CCSER2: variants seen among roughly 807,000 people sequenced by gnomAD.
The protein encoded by CCSER2 is serine-rich coiled-coil domain-containing protein 2.
Under a neutral mutation model 92.3 loss-of-function variants are expected in CCSER2, and 46 were observed. The observed-to-expected ratio is 0.50, with a 90% CI of 0.39 to 0.64. CCSER2 has a LOEUF of 0.64. CCSER2 is among the 30% of genes least tolerant of loss of function. The probability of loss-of-function intolerance (pLI) is 0.00; values close to 1 mark genes in which losing one functional copy is unlikely to be tolerated. For missense variants in CCSER2, 1,244 were observed against 1,238.9 expected, an observed-to-expected ratio of 1.00 and a Z score of -0.06; for synonymous variants, 433 against 431.4, an observed-to-expected ratio of 1.00 and a Z score of -0.04.
intron 7 of CCSER2, among the ~76,000 whole-genome samples, chr10:84,465,952 G>A (rs535037519): frequency 2.0e-5 from 3 of 152,066 alleles, no homozygotes; most frequent in South Asian, 2.1e-4. Context: ...GGGTTTCACC[G>A]TGGTCTCAAT....
intron 1 of CCSER2, among the ~76,000 whole-genome samples, chr10:84,354,530 C>T (rs1845050990): frequency 6.6e-6 from 1 of 151,294 alleles, no homozygotes; most frequent in Non-Finnish European, 1.5e-5. Flanking sequence ...ATCATACGTT[C>T]TCTGTGCCAC....
intron 8 of CCSER2, among the ~76,000 whole-genome samples, chr10:84,472,591 T>A (rs1846881120): frequency 6.6e-6 from 1 of 151,856 alleles, no homozygotes; most frequent in Admixed American, 6.6e-5. Context: ...AATAGAAGAC[T>A]GGGGGAGACA....
chr10:84,354,234 A>G (rs1253020542), intron 1 of CCSER2, among the ~76,000 whole-genome samples: 1 of 145,688 alleles, frequency 6.9e-6, no homozygotes, highest in African/African-American at 2.5e-5. Flanking sequence ...GATTACGTCT[A>G]TGTTGTCTCA....
chr10:84,478,293 GCAGGATGTGTGTGAGC>G (rs1220629898), intron 9 of CCSER2, among the ~76,000 whole-genome samples: 1 of 152,144 alleles, frequency 6.6e-6, no homozygotes, highest in Non-Finnish European at 1.5e-5. Context: ...AGAACTTAGT[GCAGGATGTGTGTGAGC>G]CAGAGAATTA....
At chr10:84,513,165 GGAATTTT>G (rs1351426802) in intron 9 of CCSER2, among the ~76,000 whole-genome samples, 1 of 151,948 alleles carries the variant, frequency 6.6e-6, no homozygotes, top group Non-Finnish European at 1.5e-5. Context: ...TATTATGGCA[GGAATTTT>G]TTCTATAATA....
At chr10:84,433,349 G>GA (rs1843897730) in intron 5 of CCSER2, among the ~76,000 whole-genome samples, 1 of 152,056 alleles carries the variant, frequency 6.6e-6, no homozygotes, top group African/African-American at 2.4e-5. Flanking sequence ...TAATGGTGAT[G>GA]AAACACTAAT....
At chr10:84,337,224 G>C (rs534879495) in intron 1 of CCSER2, among the ~76,000 whole-genome samples, 1 of 152,306 alleles carries the variant, frequency 6.6e-6, no homozygotes, top group Admixed American at 6.5e-5. Flanking sequence ...AATGTGGCTG[G>C]AGAAGTCCCA....
At chr10:84,438,847 A>G in intron 6 of CCSER2, 140 bp downstream of exon 6, 1 of 550,688 alleles carries the variant, frequency 1.8e-6, no homozygotes, top group South Asian at 3.3e-5. Context: ...AATAGTATAT[A>G]GTAGAAAGTT....
intron 3 of CCSER2, among the ~76,000 whole-genome samples, chr10:84,378,039 A>C (rs1303382313): frequency 1.3e-5 from 2 of 152,202 alleles, no homozygotes; most frequent in Non-Finnish European, 2.9e-5. Flanking sequence ...TCACCACCCC[A>C]GCGCTTGCCC....
intron 6 of CCSER2, among the ~76,000 whole-genome samples, chr10:84,454,354 TA>T (rs1268787374): frequency 2.0e-5 from 3 of 152,168 alleles, no homozygotes; most frequent in Admixed American, 6.5e-5. Flanking sequence ...GATTACATCG[TA>T]AAGGCCTATT....
Position 84,516,042 on chromosome 10 carries a change from A to G in CCSER2, c.*1775A>G, listed in dbSNP as rs1474773506. ...TTGTTTTGAGCAGCTGACCAAAAAT[A>G]TATCAAACAGGATTATGGCCAAAAA... On this transcript the variant is annotated 3_prime_UTR_variant, in exon 10 of 10. Transcript: ENST00000372088. 6.6e-6 allele frequency: 1 copy of G among 152,250 alleles called. No homozygotes were observed. The highest frequency in any genetic ancestry group is 1.9e-4 in the East Asian group (1 of 5,194). The allele number at this position is 152,250 out of a possible 1,614,324, so 9.4% of individuals were successfully genotyped here. A position where few individuals can be genotyped will look rare whatever the true frequency, so the allele number is the denominator to read the frequency against.
intron 6 of CCSER2, among the ~76,000 whole-genome samples, chr10:84,442,781 C>G (rs1156610099): frequency 3.3e-5 from 5 of 152,114 alleles, no homozygotes; most frequent in Admixed American, 1.3e-4. Context: ...GGTGCTGGTA[C>G]CAAAACAGAT....
intron 3 of CCSER2, among the ~76,000 whole-genome samples, chr10:84,374,469 G>A (rs1846226871): frequency 6.6e-6 from 1 of 152,146 alleles, no homozygotes; most frequent in Admixed American, 6.6e-5. Context: ...CACTATGGCA[G>A]AGGAAGAGAG....
At position 84,453,184 on chromosome 10, in the gene CCSER2, A is replaced by T. The variant is rs539450763; in HGVS notation, c.2065-10749A>T. ...TTTTTTTCAGTTTTCAAAAATAATG[A>T]CTTGGTATATGGGGCTTTCACTTAA... On this transcript the variant is annotated intron_variant, in intron 6 of 9. Coordinates refer to ENST00000372088, the MANE Select transcript of CCSER2 (RefSeq NM_001284240.2). Among the ~76,000 whole-genome samples the T allele has an allele frequency of 4.0e-4, 61 of 152,028 alleles. 1 individual carries two copies. In the South Asian group the frequency reaches 0.012, roughly 31 times the overall value.
intron 3 of CCSER2, among the ~76,000 whole-genome samples, chr10:84,407,723 A>G (rs1255901184): frequency 6.6e-6 from 1 of 152,136 alleles, no homozygotes; most frequent in Non-Finnish European, 1.5e-5. Flanking sequence ...AAAACTCTTT[A>G]GTTTTGTTTA....
intron 9 of CCSER2, among the ~76,000 whole-genome samples, chr10:84,496,757 A>G (rs1848476443): frequency 6.6e-6 from 1 of 151,842 alleles, no homozygotes; most frequent in Admixed American, 6.6e-5. Flanking sequence ...GTTCCTTGTC[A>G]TTTCCAGGGG....
intron 3 of CCSER2, among the ~76,000 whole-genome samples, chr10:84,388,081 T>C (rs1422473638): frequency 6.6e-6 from 1 of 152,032 alleles, no homozygotes; most frequent in Non-Finnish European, 1.5e-5. Context: ...GCCAGGCTGG[T>C]CTCGAACTCC....
chr10:84,409,510 G>A (rs527745939), intron 3 of CCSER2, among the ~76,000 whole-genome samples: 6 of 151,394 alleles, frequency 4.0e-5, no homozygotes, highest in Admixed American at 3.3e-4. Context: ...GTATATTATA[G>A]TGTTTTTATT....
intron 1 of CCSER2, among the ~76,000 whole-genome samples, chr10:84,357,222 A>G (rs759265473): frequency 6.8e-6 from 1 of 147,788 alleles, no homozygotes; most frequent in Non-Finnish European, 1.5e-5. Context: ...GGTGAGGGGT[A>G]GTGCATTTCA....
Sources: gnomAD v4.1 joint callset for allele counts (sites outside exome capture counted in the v4.1 genomes callset) on GRCh38, gnomAD v4.1.1 for gene constraint, MANE v1.5 for transcripts, NCBI Gene and HGNC (gene_info 2026-07-23, HGNC 2026-07-21) for gene names.